ZMYND11: variants seen among roughly 807,000 people sequenced by gnomAD.
ZMYND11 encodes the protein zinc finger MYND-type containing 11, also known as zinc finger MYND domain-containing protein 11.
ZMYND11 carries 9 observed loss-of-function variants against 84.9 expected under a neutral mutation model. The observed-to-expected ratio is 0.11, with a 90% confidence interval of 0.06 to 0.18. The LOEUF is 0.18. ZMYND11 is among the 10% of genes least tolerant of loss of function. The pLI, the probability that ZMYND11 is intolerant of heterozygous loss-of-function variation, is 1.00. For synonymous variants in ZMYND11, 250 were observed against 244.1 expected (o/e 1.02, Z -0.23); for missense variants, 409 against 761.0 (o/e 0.54, Z 5.44).
chr10:188,842 A>G (rs1939508466), intron 2 of ZMYND11, among the ~76,000 whole-genome samples: 1 of 152,198 alleles, frequency 6.6e-6, no homozygotes, highest in Non-Finnish European at 1.5e-5. Flanking sequence ...TACAGATTTT[A>G]TACTAGTCTC....
chr10:165,289 C>G (rs1250695446), intron 1 of ZMYND11, among the ~76,000 whole-genome samples: 2 of 152,134 alleles, frequency 1.3e-5, no homozygotes, highest in South Asian at 2.1e-4. Flanking sequence ...CTTGCCTTCA[C>G]TGGACTTCTG....
At chr10:153,910 C>T (rs1417037828) in intron 1 of ZMYND11, among the ~76,000 whole-genome samples, 1 of 152,190 alleles carries the variant, frequency 6.6e-6, no homozygotes, top group Non-Finnish European at 1.5e-5. Flanking sequence ...GCTGCCTTGC[C>T]TTCAAATTTA....
chr10:142,478 G>T (rs1226785106), intron 1 of ZMYND11, among the ~76,000 whole-genome samples: 1 of 152,132 alleles, frequency 6.6e-6, no homozygotes, highest in Non-Finnish European at 1.5e-5. Flanking sequence ...CGTCATGAGG[G>T]ATGTGTCATT....
In ZMYND11 at chr10:180,039, G is replaced by A. The variant is rs755470282; in HGVS notation, c.27G>A (p.Gln9=). The change falls in exon 2 of 15, where the codon CAG becomes CAA. Residue 9 remains glutamine, a synonymous_variant. Transcript: ENST00000381604. ...TGGCACGTTTAACAAAAAGACGACA[G>A]GCGGATACAAAAGCTATCCAGCATC... is the stretch of plus-strand genomic sequence containing the variant. MARLTKRR[Q]ADTKAIQHLW... 6.2e-7 allele frequency: 1 copy of A among 1,613,622 alleles called. No homozygotes were observed. The highest frequency in any genetic ancestry group is 8.5e-7 in the Non-Finnish European group (1 of 1,179,766).
At position 254,185 on chromosome 10, in the gene ZMYND11, C is replaced by T. The variant is rs1953986450; in HGVS notation, c.*1715C>T. 1 of 152,400 alleles carries T rather than the reference C, an allele frequency of 6.6e-6. No individual in the cohort carries two copies. Among genetic ancestry groups the T allele is most frequent in the Non-Finnish European group, 1.5e-5 (1 of 68,004 alleles). 9.4% of individuals were successfully genotyped at this position (152,400 alleles called of 1,614,324 possible). A position where few individuals can be genotyped will look rare whatever the true frequency, so the allele number is the denominator to read the frequency against. ...TTTTTCAAGTTTTAAGACTTCGATC[C>T]ACCCCTATGAGAGCAAGTAATTGTG... On this transcript the variant is annotated 3_prime_UTR_variant, in exon 15 of 15. Transcript: ENST00000381604.
intron 1 of ZMYND11, among the ~76,000 whole-genome samples, chr10:147,513 G>A (rs1282970533): frequency 6.6e-6 from 1 of 151,204 alleles, no homozygotes; most frequent in Non-Finnish European, 1.5e-5. Context: ...AGGTATATGT[G>A]CCTTTTTAAA....
chr10:177,926 G>A (rs1428985757), intron 1 of ZMYND11, among the ~76,000 whole-genome samples: 1 of 151,970 alleles, frequency 6.6e-6, no homozygotes, highest in African/African-American at 2.4e-5. Context: ...TTGTGCTTTG[G>A]TTGTTATATA....
At chr10:223,779 GA>G (rs2131464199) in intron 4 of ZMYND11, among the ~76,000 whole-genome samples, 1 of 152,282 alleles carries the variant, frequency 6.6e-6, no homozygotes, top group African/African-American at 2.4e-5. Flanking sequence ...TCTTTAAGGT[GA>G]AGTTATTGGT....
chr10:200,246 T>TATATAATATAAAATATATAATTATATATA (rs1942839007), intron 2 of ZMYND11, among the ~76,000 whole-genome samples: 1 of 58,964 alleles, frequency 1.7e-5, no homozygotes, highest in African/African-American at 4.0e-5. Flanking sequence ...TAAAAATATA[T>TATATAATATAAAATATATAATTATATATA]ATATAATATA....
At chr10:183,296 G>T in intron 2 of ZMYND11, among the ~76,000 whole-genome samples, 1 of 142,296 alleles carries the variant, frequency 7.0e-6, no homozygotes. Flanking sequence ...TCCGGCTTTT[G>T]CTGATTGCAT....
chr10:130,841 G>A (rs782283905), upstream of ZMYND11, among the ~76,000 whole-genome samples: 8 of 151,962 alleles, frequency 5.3e-5, no homozygotes, highest in Non-Finnish European at 1.0e-4. Flanking sequence ...AGTCGGGGCC[G>A]GGCACGGTGG....
At position 136,055 on chromosome 10, in the gene ZMYND11, G is replaced by A. The variant is rs1402898342; in HGVS notation, c.-20+496G>A. On this transcript the variant is annotated intron_variant, in intron 1 of 14. Coordinates refer to ENST00000381604, the MANE Select transcript of ZMYND11 (RefSeq NM_001370100.5). The stretch of plus-strand genomic sequence containing the variant: ...CGTCGTGTGCTAGCCCGGGAGCGGC[G>A]GGCAGGGCTGGCCCCGAGGCCCGGG... Among the ~76,000 whole-genome samples, 8 of 152,052 alleles carry A rather than the reference G, an allele frequency of 5.3e-5. 1 individual carries two copies. In the East Asian group the frequency reaches 1.2e-3, roughly 22 times the overall value.
chr10:208,916 C>T (rs1388168578), intron 2 of ZMYND11, among the ~76,000 whole-genome samples: 1 of 152,080 alleles, frequency 6.6e-6, no homozygotes, highest in Admixed American at 6.5e-5. Flanking sequence ...TCTGATTTAG[C>T]TCACACTATG....
At chr10:175,226 C>G (rs1846333010) in intron 1 of ZMYND11, among the ~76,000 whole-genome samples, 1 of 152,160 alleles carries the variant, frequency 6.6e-6, no homozygotes, top group Non-Finnish European at 1.5e-5. Flanking sequence ...TATGTGGGAG[C>G]TCTGTATTTT....
At chr10:176,456 G>C (rs1051123121) in intron 1 of ZMYND11, among the ~76,000 whole-genome samples, 1 of 151,962 alleles carries the variant, frequency 6.6e-6, no homozygotes, top group South Asian at 2.1e-4. Flanking sequence ...CATAAATGAA[G>C]GTTCACTCTG....
chr10:190,634 G>A (rs1007865528), intron 2 of ZMYND11, among the ~76,000 whole-genome samples: 7 of 152,168 alleles, frequency 4.6e-5, no homozygotes, highest in Admixed American at 4.6e-4. Flanking sequence ...ACCTGAGCAA[G>A]GCATTTGTAC....
intron 3 of ZMYND11, among the ~76,000 whole-genome samples, chr10:219,091 A>C (rs1054597836): frequency 6.6e-6 from 1 of 152,158 alleles, no homozygotes; most frequent in Non-Finnish European, 1.5e-5. Flanking sequence ...CTTTTACTTC[A>C]TTTGAGTTAT....
At chr10:166,811 A>G (rs1421025702) in intron 1 of ZMYND11, among the ~76,000 whole-genome samples, 1 of 152,156 alleles carries the variant, frequency 6.6e-6, no homozygotes, top group African/African-American at 2.4e-5. Context: ...CTGCAGTCTC[A>G]TTCACAGCAT....
At chr10:150,078 T>G (rs1839950200) in intron 1 of ZMYND11, among the ~76,000 whole-genome samples, 1 of 152,316 alleles carries the variant, frequency 6.6e-6, no homozygotes, top group African/African-American at 2.4e-5. Context: ...ATTCTCTTTT[T>G]TTGTTGTGTC....
Sources: gnomAD v4.1 joint callset for allele counts (sites outside exome capture counted in the v4.1 genomes callset) on GRCh38, gnomAD v4.1.1 for gene constraint, MANE v1.5 for transcripts, NCBI Gene and HGNC (gene_info 2026-07-23, HGNC 2026-07-21) for gene names.